The following USP34 variants were observed in gnomAD, a reference collection of about 807,000 sequenced individuals.
USP34 encodes ubiquitin carboxyl-terminal hydrolase 34.
A neutral mutation model predicts 460.3 loss-of-function variants in USP34; 70 were observed. That is an observed-to-expected ratio of 0.15 (90% CI 0.13 to 0.19). The LOEUF (loss-of-function observed/expected upper bound fraction) is 0.19. Ranked by LOEUF, USP34 falls within the 10% of genes least tolerant of loss-of-function variation. The pLI is 1.00. For synonymous variants in USP34, 1,647 were observed against 1,405.3 expected (o/e 1.17, Z -3.85); for missense variants, 3,985 against 4,236.2 (o/e 0.94, Z 1.65).
intron 53 of USP34, among the ~76,000 whole-genome samples, chr2:61,240,040 A>C (rs1688202515): frequency 6.6e-6 from 1 of 151,040 alleles, no homozygotes; most frequent in Non-Finnish European, 1.5e-5. Flanking sequence ...ACTTGATCCC[A>C]ATATTACAAA....
chr2:61,294,070 G>A (rs1430548799), intron 32 of USP34, among the ~76,000 whole-genome samples: 1 of 151,868 alleles, frequency 6.6e-6, no homozygotes, highest in Non-Finnish European at 1.5e-5. Context: ...TTGAGGCCAG[G>A]CGCGGTGGCT....
intron 41 of USP34, among the ~76,000 whole-genome samples, chr2:61,275,506 C>T (rs931623368): frequency 2.6e-5 from 4 of 151,612 alleles, no homozygotes; most frequent in Admixed American, 6.6e-5. Flanking sequence ...TGCCTATAAT[C>T]CTAGACACCT....
intron 75 of USP34, among the ~76,000 whole-genome samples, chr2:61,202,223 CCT>C (rs920596285): frequency 3.3e-5 from 5 of 152,144 alleles, no homozygotes; most frequent in African/African-American, 1.2e-4. Flanking sequence ...TGTATCAAAA[CCT>C]TTTCCATAGG....
At chr2:61,370,282 T>C (rs761597259) in intron 10 of USP34, 39 bp downstream of exon 10, 3 of 1,590,206 alleles carry the variant, frequency 1.9e-6, no homozygotes, top group South Asian at 2.2e-5. Context: ...GAACATATGA[T>C]AAGCAAAGCA....
In USP34 at chr2:61,221,614, A is replaced by C. The variant is rs1333697578; in HGVS notation, c.7795-8T>G. 6.2e-7 allele frequency: 1 copy of C among 1,613,248 alleles called. No individual in the cohort carries two copies. Among genetic ancestry groups the C allele is most frequent in the Non-Finnish European group, 8.5e-7 (1 of 1,179,488 alleles). On this transcript the variant is annotated splice_region_variant and splice_polypyrimidine_tract_variant and intron_variant, in intron 65 of 79. Transcript: ENST00000398571. ...AAAGAAAGGATTGGCTGCCTGTAAAACACATACATGACTGTGTATTTAGAT... is the reference window on the plus strand; with the variant it reads ...AAAGAAAGGATTGGCTGCCTGTAAACCACATACATGACTGTGTATTTAGAT...
At chr2:61,410,519 G>T (rs1694006161) in intron 2 of USP34, among the ~76,000 whole-genome samples, 1 of 152,202 alleles carries the variant, frequency 6.6e-6, no homozygotes, top group Non-Finnish European at 1.5e-5. Context: ...CTGTGGCCCA[G>T]GGGCTGGGGA....
intron 75 of USP34, among the ~76,000 whole-genome samples, chr2:61,198,200 A>G (rs1323433207): frequency 2.0e-5 from 3 of 152,228 alleles, no homozygotes; most frequent in Non-Finnish European, 2.9e-5. Context: ...TTATAGAGTA[A>G]AATTCCTCTA....
intron 1 of USP34, among the ~76,000 whole-genome samples, chr2:61,431,582 G>A (rs769017535): frequency 9.9e-5 from 15 of 152,160 alleles, no homozygotes; most frequent in South Asian, 4.1e-4. Context: ...CTGGCCGGGC[G>A]TGGTGGCTCA....
At position 61,317,681 on chromosome 2, in the gene USP34, A is replaced by T. The variant is rs1214462620; in HGVS notation, c.3255T>A (p.Ser1085Arg). Reference sequence around the variant, plus strand: ...CAGAATTTGAACAACCATCATAGGCACTGGTAGCCAATCGAGCCAAGTTAC... The same window carrying T: ...CAGAATTTGAACAACCATCATAGGCTCTGGTAGCCAATCGAGCCAAGTTAC... Reference protein sequence around the residue: ...HLCNLARLATSAYDGCSNSEL... With the variant: ...HLCNLARLATRAYDGCSNSEL... Residue 1085 changes from serine to arginine, a missense_variant, in exon 23 of 80, where the codon AGT (serine) becomes AGA (arginine). This residue lies in a region of USP34 where 1,114 missense variants were observed against 1,122.5 expected (regional missense o/e 0.99). Coordinates refer to ENST00000398571, the MANE Select transcript of USP34 (RefSeq NM_014709.4). 1 of 1,613,982 alleles carries T rather than the reference A, an allele frequency of 6.2e-7. No individual in the cohort carries two copies. The highest frequency in any genetic ancestry group is 8.5e-7 in the Non-Finnish European group (1 of 1,179,982).
chr2:61,377,526 C>G (rs564698500), intron 8 of USP34, among the ~76,000 whole-genome samples: 3 of 152,086 alleles, frequency 2.0e-5, no homozygotes, highest in African/African-American at 2.4e-5. Flanking sequence ...GAAGGTGGAG[C>G]CTTCATGAAT....
intron 68 of USP34, among the ~76,000 whole-genome samples, chr2:61,212,931 C>T (rs1486695115): frequency 6.6e-6 from 1 of 152,122 alleles, no homozygotes; most frequent in Non-Finnish European, 1.5e-5. Context: ...ATCCCGACCC[C>T]TTTGAAGTCA....
Position 61,188,431 on chromosome 2 carries a change from G to C in USP34, c.10312C>G (p.Gln3438Glu). The change falls in exon 80 of 80, where the codon CAG becomes GAG. Residue 3438 changes from glutamine to glutamate, a missense_variant. Physicochemically the swap from Gln to Glu is conservative, Grantham distance 29. Transcript: ENST00000398571. ...SNIRSQHAEE[Q>E]SNNGRYDDCK... ...TCGTCATATCTACCATTGTTGGACTGTTCTTCTGCATGCTGTGACCTGATA... is the reference window on the plus strand; with the variant it reads ...TCGTCATATCTACCATTGTTGGACTCTTCTTCTGCATGCTGTGACCTGATA... 2 of 1,614,172 alleles carry C rather than the reference G, an allele frequency of 1.2e-6. No individual in the cohort carries two copies. The highest frequency in any genetic ancestry group is 1.7e-6 in the Non-Finnish European group (2 of 1,180,032).
chr2:61,303,571 C>T lies in USP34; in HGVS notation c.3818-2117G>A, dbSNP rs193169047. 1.1e-4 allele frequency among the ~76,000 whole-genome samples: 17 copies of T among 152,016 alleles called. No individual in the cohort carries two copies. The East Asian group carries it at 3.3e-3, about 29-fold the overall frequency. On this transcript the variant is annotated intron_variant, in intron 27 of 79. Coordinates refer to ENST00000398571, the MANE Select transcript of USP34 (RefSeq NM_014709.4). ...GCGTATTCATTAGGAAAAGCTTTGGCTACTGGATGGACAGAAATTCTGTAT... is the reference window on the plus strand; with the variant it reads ...GCGTATTCATTAGGAAAAGCTTTGGTTACTGGATGGACAGAAATTCTGTAT...
At chr2:61,305,399 C>T (rs1431271215) in intron 27 of USP34, among the ~76,000 whole-genome samples, 1 of 151,662 alleles carries the variant, frequency 6.6e-6, no homozygotes, top group East Asian at 1.9e-4. Context: ...AAGATGACCA[C>T]AAAATAAACT....
intron 1 of USP34, among the ~76,000 whole-genome samples, chr2:61,446,261 C>A (rs1318047682): frequency 1.3e-5 from 2 of 152,018 alleles, no homozygotes; most frequent in Non-Finnish European, 2.9e-5. Context: ...AATCTAGGGT[C>A]TAGCTTAATA....
intron 68 of USP34, 128 bp from the exon 69 acceptor site, chr2:61,212,057 G>A: frequency 4.8e-6 from 6 of 1,238,200 alleles, no homozygotes; most frequent in African/African-American, 1.6e-5. Flanking sequence ...CTTCCATTCA[G>A]AAAGTTATAA....
intron 48 of USP34, among the ~76,000 whole-genome samples, chr2:61,249,118 T>C (rs186896340): frequency 1.3e-5 from 2 of 152,354 alleles, no homozygotes; most frequent in African/African-American, 2.4e-5. Context: ...ATTCTAACAA[T>C]ACACTGTTCA....
intron 75 of USP34, among the ~76,000 whole-genome samples, chr2:61,197,394 G>A (rs866917018): frequency 6.6e-6 from 1 of 152,152 alleles, no homozygotes; most frequent in Non-Finnish European, 1.5e-5. Flanking sequence ...TTTGGATGAG[G>A]AAATTAGGCT....
At chr2:61,337,258 A>AT (rs1691450437) in intron 18 of USP34, among the ~76,000 whole-genome samples, 1 of 152,200 alleles carries the variant, frequency 6.6e-6, no homozygotes, top group Non-Finnish European at 1.5e-5. Context: ...ATAGAGATAC[A>AT]TAATGTTTTT....
Sources: gnomAD v4.1 joint callset for allele counts (sites outside exome capture counted in the v4.1 genomes callset) on GRCh38, gnomAD v4.1.1 for gene constraint, gnomAD v4.1.1 regional missense constraint, MANE v1.5 for transcripts, NCBI Gene and HGNC (gene_info 2026-07-23, HGNC 2026-07-21) for gene names.